The following CTNNA3 variants were observed in gnomAD, a reference collection of about 807,000 sequenced individuals.
The protein encoded by CTNNA3 is catenin alpha-3.
Under a neutral mutation model 95.7 loss-of-function variants are expected in CTNNA3, and 76 were observed. The observed-to-expected ratio is 0.79, with a 90% CI of 0.66 to 0.96. CTNNA3 has a LOEUF of 0.96. Ranked by LOEUF, CTNNA3 falls within the 40% of genes least tolerant of loss-of-function variation. CTNNA3 has a pLI of 0.00. For synonymous variants in CTNNA3, 431 were observed against 374.4 expected (o/e 1.15, Z -1.74); for missense variants, 1,191 against 1,089.8 (o/e 1.09, Z -1.31).
At chr10:67,722,985 C>CTT (rs141498050) in intron 1 of CTNNA3, among the ~76,000 whole-genome samples, 17 of 118,656 alleles carry the variant, frequency 1.4e-4, no homozygotes, top group East Asian at 2.4e-4. Context: ...TCTTTCAGCT[C>CTT]TTTTTTTTTT....
chr10:67,304,220 G>A (rs1840446151), intron 5 of CTNNA3, among the ~76,000 whole-genome samples: 1 of 152,144 alleles, frequency 6.6e-6, no homozygotes. Context: ...ATTATACAAT[G>A]CTTGTATCCA....
At position 66,330,295 on chromosome 10, in the gene CTNNA3, T is replaced by C. The variant is rs184219609; in HGVS notation, c.1732+48857A>G. ...CCCTGTGTTCTCATTGTTCAATTCC[T>C]ACCTATGAGTGAGAACATGCAGTGT... On this transcript the variant is annotated intron_variant, in intron 12 of 17. Transcript: ENST00000433211. 4.6e-3 allele frequency among the ~76,000 whole-genome samples: 682 copies of C among 148,896 alleles called. 7 individuals carry two copies. The highest frequency in any genetic ancestry group is 0.016 in the African/African-American group (657 of 40,944).
chr10:66,471,815 T>C (rs575364583), intron 11 of CTNNA3, among the ~76,000 whole-genome samples: 1 of 152,006 alleles, frequency 6.6e-6, no homozygotes, highest in East Asian at 1.9e-4. Context: ...TCCCATGCTG[T>C]CCTTACACTG....
chr10:67,117,067 G>T (rs1483261096), intron 7 of CTNNA3, among the ~76,000 whole-genome samples: 1 of 151,786 alleles, frequency 6.6e-6, no homozygotes, highest in Admixed American at 6.6e-5. Context: ...TTTAATTACT[G>T]GTAGTAAGAA....
intron 11 of CTNNA3, among the ~76,000 whole-genome samples, chr10:66,458,842 C>T (rs556170989): frequency 2.2e-4 from 33 of 152,206 alleles, no homozygotes; most frequent in African/African-American, 6.7e-4. Context: ...AGCATTTGGG[C>T]GGTGATAATC....
At chr10:66,576,397 C>T (rs1843003674) in intron 10 of CTNNA3, among the ~76,000 whole-genome samples, 1 of 152,030 alleles carries the variant, frequency 6.6e-6, no homozygotes, top group Admixed American at 6.6e-5. Flanking sequence ...TTGCGTGTCA[C>T]TAAGGCTTGA....
chr10:66,607,520 G>T (rs1844173276), intron 10 of CTNNA3, among the ~76,000 whole-genome samples: 1 of 143,088 alleles, frequency 7.0e-6, no homozygotes, highest in Non-Finnish European at 1.5e-5. Context: ...GAAACTTCAG[G>T]CCAATGTCTT....
chr10:66,715,229 T>C (rs1038472564), intron 9 of CTNNA3, among the ~76,000 whole-genome samples: 15 of 152,212 alleles, frequency 9.9e-5, no homozygotes, highest in Admixed American at 9.2e-4. Context: ...CCTCCAGCTC[T>C]TTAAAAGGAA....
chr10:65,947,094 T>TG (rs1491264320), intron 17 of CTNNA3, among the ~76,000 whole-genome samples: 1 of 119,178 alleles, frequency 8.4e-6, no homozygotes, highest in Admixed American at 9.0e-5. Flanking sequence ...TTGTTTGTTT[T>TG]TTTTTTTTTT....
intron 12 of CTNNA3, among the ~76,000 whole-genome samples, chr10:66,360,816 C>CCTTTCTTTCTTTCTTTCTTTCTTTCTTT (rs758092288): frequency 2.0e-5 from 1 of 50,228 alleles, no homozygotes; most frequent in Non-Finnish European, 3.9e-5. Context: ...TTCCTTCCTT[C>CCTTTCTTTCTTTCTTTCTTTCTTTCTTT]CTTTCTTTCT....
intron 11 of CTNNA3, among the ~76,000 whole-genome samples, chr10:66,383,294 C>A (rs142315715): frequency 0.065 from 9,875 of 152,126 alleles, 523 homozygotes; most frequent in East Asian, 0.23. Context: ...AACTTCATGA[C>A]ACATGCACAA....
At chr10:66,094,992 G>A (rs1258956029) in intron 14 of CTNNA3, among the ~76,000 whole-genome samples, 2 of 152,130 alleles carry the variant, frequency 1.3e-5, no homozygotes, top group African/African-American at 4.8e-5. Context: ...GAATGTAAGA[G>A]TTTGAGTAGA....
chr10:66,238,506 C>T (rs1436514598), intron 13 of CTNNA3, among the ~76,000 whole-genome samples: 1 of 151,764 alleles, frequency 6.6e-6, no homozygotes, highest in African/African-American at 2.4e-5. Flanking sequence ...GTATAGACAG[C>T]CAATAAAAGA....
At chr10:67,687,763 C>T (rs1298592919) in intron 1 of CTNNA3, among the ~76,000 whole-genome samples, 3 of 152,074 alleles carry the variant, frequency 2.0e-5, no homozygotes, top group Non-Finnish European at 2.9e-5. Context: ...CATAGCTGTT[C>T]GAGGAAGGCA....
intron 12 of CTNNA3, among the ~76,000 whole-genome samples, chr10:66,342,381 A>C (rs2092463041): frequency 6.6e-6 from 1 of 152,090 alleles, no homozygotes; most frequent in Non-Finnish European, 1.5e-5. Context: ...ATTCATTTAG[A>C]AAACTGTGTG....
intron 7 of CTNNA3, among the ~76,000 whole-genome samples, chr10:66,785,191 G>T (rs146441235): frequency 6.6e-6 from 1 of 152,280 alleles, no homozygotes; most frequent in Non-Finnish European, 1.5e-5. Context: ...GTCAGCTGCA[G>T]AAGAAGATAT....
chr10:66,231,380 T>C (rs1170710934), intron 13 of CTNNA3, among the ~76,000 whole-genome samples: 1 of 152,168 alleles, frequency 6.6e-6, no homozygotes, highest in Non-Finnish European at 1.5e-5. Flanking sequence ...AATCATAAGA[T>C]TTACTGAATC....
intron 7 of CTNNA3, among the ~76,000 whole-genome samples, chr10:66,953,669 CATA>C (rs1474487946): frequency 7.2e-5 from 11 of 152,104 alleles, no homozygotes; most frequent in African/African-American, 1.2e-4. Flanking sequence ...CTATTTTCTA[CATA>C]ATAATTTTAT....
At chr10:67,250,644 C>G (rs1027992237) in intron 5 of CTNNA3, among the ~76,000 whole-genome samples, 36 of 152,172 alleles carry the variant, frequency 2.4e-4, no homozygotes, top group Non-Finnish European at 3.5e-4. Context: ...ATTTCAGCCA[C>G]TGTTGGTTGA....
Sources: allele counts gnomAD v4.1 joint callset (sites outside exome capture counted in the v4.1 genomes callset), GRCh38; gene constraint gnomAD v4.1.1; transcripts MANE v1.5; gene names NCBI Gene and HGNC (gene_info 2026-07-23, HGNC 2026-07-21).